RASGEF1C: variants seen among roughly 807,000 people sequenced by gnomAD.
RASGEF1C encodes the protein RasGEF domain family member 1C.
A neutral mutation model predicts 58.1 loss-of-function variants in RASGEF1C; 27 were observed. The observed-to-expected ratio is 0.46, with a 90% CI of 0.34 to 0.64. The LOEUF (loss-of-function observed/expected upper bound fraction) is 0.64, where lower values mean the gene tolerates loss of function less well. Ranked by LOEUF, RASGEF1C falls within the 30% of genes least tolerant of loss-of-function variation. RASGEF1C has a pLI of 0.01. For missense variants in RASGEF1C, 502 were observed against 605.1 expected (o/e 0.83, Z 1.79); for synonymous variants, 243 against 246.3 (o/e 0.99, Z 0.13).
chr5:180,176,657 C>G (rs1482124263), intron 1 of RASGEF1C, among the ~76,000 whole-genome samples: 1 of 151,618 alleles, frequency 6.6e-6, no homozygotes, highest in Non-Finnish European at 1.5e-5. Context: ...CCCGGGTTCA[C>G]GCCATTCTCC....
intron 1 of RASGEF1C, among the ~76,000 whole-genome samples, chr5:180,207,536 G>T (rs567519345): frequency 1.3e-5 from 2 of 152,124 alleles, no homozygotes; most frequent in Non-Finnish European, 2.9e-5. Context: ...GCCTGAAAAG[G>T]GCCAGGTCCC....
chr5:180,141,720 T>C (rs6883452), intron 1 of RASGEF1C, among the ~76,000 whole-genome samples: 317 of 1,008 alleles, frequency 0.31, 48 homozygotes, highest in Middle Eastern at 0.67. Context: ...TTTATCACAC[T>C]TTTTTTTTTT....
At position 180,136,470 on chromosome 5, in the gene RASGEF1C, C is replaced by T; in HGVS notation, c.346G>A (p.Glu116Lys). 6.4e-7 allele frequency: 1 copy of T among 1,563,928 alleles called. No homozygotes were observed. Among genetic ancestry groups the T allele is most frequent in the Non-Finnish European group, 8.7e-7 (1 of 1,153,758 alleles). Residue 116 changes from glutamate to lysine, a missense_variant, in exon 4 of 14, where the codon GAG becomes AAG. By Grantham distance (56) the Glu-to-Lys change is moderately conservative. Transcript: ENST00000361132. ...TCCCTTGGGAAGGTCTCGGTCCACT[C>T]GGCCAACAGCTGCAGCAGTTTGGGG... ...FGPKLLQLLA[E>K]WTETFPRDFQ...
In RASGEF1C at chr5:180,127,070, T is replaced by C. The variant is rs1289697326; in HGVS notation, c.714+539A>G. On this transcript the variant is annotated intron_variant, in intron 6 of 13. Transcript: ENST00000361132. Reference sequence around the variant, plus strand: ...GCAATTCTGGCTTGGATTTAGCCCGTGGGAGGCACCGGCACCCTGCTGGTT... The same window carrying C: ...GCAATTCTGGCTTGGATTTAGCCCGCGGGAGGCACCGGCACCCTGCTGGTT... Among the ~76,000 whole-genome samples, 3 of 152,164 alleles carry C rather than the reference T, an allele frequency of 2.0e-5. 1 individual carries two copies. The highest frequency in any genetic ancestry group is 7.2e-5 in the African/African-American group (3 of 41,444).
intron 1 of RASGEF1C, among the ~76,000 whole-genome samples, chr5:180,175,414 C>A (rs1767207493): frequency 6.6e-6 from 1 of 152,208 alleles, no homozygotes; most frequent in African/African-American, 2.4e-5. Flanking sequence ...CTCCTTCAAG[C>A]AGAGAAGGAG....
intron 1 of RASGEF1C, among the ~76,000 whole-genome samples, chr5:180,149,852 G>A (rs1766720314): frequency 6.6e-6 from 1 of 152,198 alleles, no homozygotes; most frequent in African/African-American, 2.4e-5. Flanking sequence ...GTGTCTCACT[G>A]TGGGTCTCTT....
intron 13 of RASGEF1C, 33 bp from the exon 14 acceptor site, chr5:180,101,558 G>T: frequency 6.2e-7 from 1 of 1,609,396 alleles, no homozygotes; most frequent in South Asian, 1.1e-5. Context: ...AGCGGTGAGA[G>T]CCTGGAGCTC....
intron 10 of RASGEF1C, among the ~76,000 whole-genome samples, chr5:180,118,224 G>A (rs768121487): frequency 1.3e-5 from 2 of 152,154 alleles, no homozygotes; most frequent in East Asian, 1.9e-4. Flanking sequence ...GGCCCCAAGT[G>A]GGGAGGAGCC....
At chr5:180,110,199 G>A (rs75170303) in intron 12 of RASGEF1C, among the ~76,000 whole-genome samples, 1,789 of 152,258 alleles carry the variant, frequency 0.012, 21 homozygotes, top group African/African-American at 0.03. Flanking sequence ...CCTGCTCATC[G>A]CACAGCTCGC....
At chr5:180,124,248 AAAAG>A (rs1450190185) in intron 6 of RASGEF1C, among the ~76,000 whole-genome samples, 43 of 152,050 alleles carry the variant, frequency 2.8e-4, no homozygotes, top group Non-Finnish European at 4.7e-4. Context: ...AAAAAAAAGA[AAAAG>A]AAAATACCAA....
chr5:180,109,467 T>G (rs4700871), intron 12 of RASGEF1C, among the ~76,000 whole-genome samples: 1 of 151,582 alleles, frequency 6.6e-6, no homozygotes, highest in African/African-American at 2.4e-5. Flanking sequence ...CAAAAAAAAA[T>G]AATAATAATA....
intron 1 of RASGEF1C, among the ~76,000 whole-genome samples, chr5:180,182,190 G>A (rs1767347594): frequency 2.3e-5 from 2 of 88,736 alleles, no homozygotes; most frequent in South Asian, 4.4e-4. Flanking sequence ...GGGCAACAGA[G>A]CAAGACTCCG....
At chr5:180,176,705 T>C (rs970406259) in intron 1 of RASGEF1C, among the ~76,000 whole-genome samples, 81 of 152,176 alleles carry the variant, frequency 5.3e-4, no homozygotes, top group South Asian at 8.3e-4. Flanking sequence ...TATAGGCGTC[T>C]GCCACCATGC....
chr5:180,152,695 C>A (rs1205587131), intron 1 of RASGEF1C, among the ~76,000 whole-genome samples: 18 of 151,166 alleles, frequency 1.2e-4, no homozygotes, highest in African/African-American at 3.4e-4. Context: ...CACATGTACC[C>A]TAGAACTTAA....
intron 1 of RASGEF1C, among the ~76,000 whole-genome samples, chr5:180,186,101 G>GAA (rs35778456): frequency 4.2e-4 from 34 of 81,156 alleles, no homozygotes; most frequent in Non-Finnish European, 4.9e-4. Context: ...TATCTCCACA[G>GAA]AAAAAAAAAA....
intron 6 of RASGEF1C, among the ~76,000 whole-genome samples, chr5:180,121,632 T>G (rs2113257098): frequency 7.1e-6 from 1 of 140,164 alleles, no homozygotes; most frequent in Admixed American, 7.7e-5. Flanking sequence ...TTTTAAAATG[T>G]AACTTCACAC....
In RASGEF1C at chr5:180,204,439, G is replaced by A. The variant is rs150570184; in HGVS notation, c.-7+4589C>T. On this transcript the variant is annotated intron_variant, in intron 1 of 13. Coordinates refer to ENST00000361132, the MANE Select transcript of RASGEF1C (RefSeq NM_175062.4). ...TAGTGTTAATATTCATACGTTTTGT[G>A]TCTGTTTACCTCAGCCTAGTCCCAG... Among the ~76,000 whole-genome samples the A allele has an allele frequency of 4.7e-3, 723 of 152,294 alleles. 13 individuals are homozygous for A. Among genetic ancestry groups the A allele is most frequent in the Admixed American group, 0.041 (625 of 15,294 alleles).
chr5:180,207,498 G>A lies in RASGEF1C; in HGVS notation c.-7+1530C>T, dbSNP rs1186572071. On this transcript the variant is annotated intron_variant, in intron 1 of 13. Coordinates refer to ENST00000361132, the MANE Select transcript of RASGEF1C (RefSeq NM_175062.4). The stretch of plus-strand genomic sequence containing the variant: ...GCTGGAACCACCTCAGAGACTGGCG[G>A]GGACATGGCAGGAGGGTGCAGACCC... 2.0e-5 allele frequency among the ~76,000 whole-genome samples: 3 copies of A among 152,290 alleles called. No homozygotes were observed. The South Asian group carries it at 6.2e-4, about 32-fold the overall frequency.
chr5:180,183,919 C>A (rs539158790), intron 1 of RASGEF1C, among the ~76,000 whole-genome samples: 61 of 152,216 alleles, frequency 4.0e-4, no homozygotes, highest in African/African-American at 1.4e-3. Context: ...TGCCTATAAT[C>A]CCAGCACTTT....
Sources: gnomAD v4.1 joint callset for allele counts (sites outside exome capture counted in the v4.1 genomes callset) on GRCh38, gnomAD v4.1.1 for gene constraint, MANE v1.5 for transcripts, NCBI Gene and HGNC (gene_info 2026-07-23, HGNC 2026-07-21) for gene names.